Variants in MRPL48 observed in about 807,000 individuals in gnomAD.
The protein encoded by MRPL48 is mitochondrial ribosomal protein L48.
In MRPL48, 16 loss-of-function variants were observed where a neutral mutation model predicts 32.9. The observed-to-expected ratio is 0.49, with a 90% CI of 0.33 to 0.74. The LOEUF is 0.74. Among genes scored for constraint, MRPL48 ranks in the 30% least tolerant of loss-of-function variants. The probability of loss-of-function intolerance (pLI) is 0.02; values close to 1 mark genes in which losing one functional copy is unlikely to be tolerated. For synonymous variants in MRPL48, 94 were observed against 89.2 expected (o/e 1.05, Z -0.31); for missense variants, 206 against 245.3 (o/e 0.84, Z 1.07).
intron 5 of MRPL48, among the ~76,000 whole-genome samples, chr11:73,855,172 C>G (rs138601200): frequency 7.2e-5 from 11 of 152,160 alleles, no homozygotes; most frequent in Admixed American, 7.2e-4. Context: ...GTTAAACCTA[C>G]TTTTTTTCCT....
chr11:73,793,663 C>T (rs1947192710), intron 1 of MRPL48, among the ~76,000 whole-genome samples: 1 of 152,096 alleles, frequency 6.6e-6, no homozygotes, highest in East Asian at 1.9e-4. Flanking sequence ...GGGAGAGAAG[C>T]ACTGGGGTGT....
chr11:73,856,709 C>A (rs1388941567), intron 5 of MRPL48, among the ~76,000 whole-genome samples: 2 of 152,068 alleles, frequency 1.3e-5, no homozygotes, highest in Non-Finnish European at 2.9e-5. Flanking sequence ...AGTGAAGCTC[C>A]CCAGCACCCT....
intron 3 of MRPL48, among the ~76,000 whole-genome samples, chr11:73,815,697 T>A (rs929505982): frequency 7.2e-5 from 11 of 151,842 alleles, no homozygotes; most frequent in Non-Finnish European, 1.5e-4. Flanking sequence ...TACTTAAAAA[T>A]TTTTAAAAAT....
intron 1 of MRPL48, among the ~76,000 whole-genome samples, chr11:73,794,079 CG>C (rs1947200524): frequency 6.6e-6 from 1 of 151,766 alleles, no homozygotes; most frequent in South Asian, 2.1e-4. Flanking sequence ...CCCAGCTACT[CG>C]GGAGGCTGAG....
intron 5 of MRPL48, among the ~76,000 whole-genome samples, chr11:73,859,129 T>C (rs1278578928): frequency 6.6e-6 from 1 of 152,266 alleles, no homozygotes; most frequent in Non-Finnish European, 1.5e-5. Context: ...AATTATCTGG[T>C]CTAAAATGTC....
chr11:73,822,694 A>T (rs549033002), intron 3 of MRPL48, among the ~76,000 whole-genome samples: 1 of 152,246 alleles, frequency 6.6e-6, no homozygotes, highest in African/African-American at 2.4e-5. Flanking sequence ...ACTTGATGTC[A>T]CTTAGATCAG....
chr11:73,819,662 A>G (rs149757117), intron 3 of MRPL48, among the ~76,000 whole-genome samples: 51 of 152,300 alleles, frequency 3.3e-4, no homozygotes, highest in African/African-American at 1.1e-3. Context: ...TTTTAAAACA[A>G]TTGTCCAGCC....
intron 3 of MRPL48, among the ~76,000 whole-genome samples, chr11:73,824,317 C>T (rs144124491): frequency 1.2e-4 from 18 of 151,674 alleles, no homozygotes; most frequent in East Asian, 9.9e-4. Context: ...TGGCCGGGCG[C>T]GGTGGCTCAC....
chr11:73,864,435 TAGTTAG>T lies in MRPL48; in HGVS notation c.*70_*75del. ...GTGCCAAAGAGAAGAGCTTACTGGG[TAGTTAG>T]AGTTCATCAGGAGACCCAACCCTTA... On this transcript the variant is annotated 3_prime_UTR_variant, in exon 8 of 8. Coordinates refer to ENST00000310614, the MANE Select transcript of MRPL48 (RefSeq NM_016055.6). 1.3e-6 allele frequency: 2 copies of T among 1,523,206 alleles called. No individual in the cohort carries two copies. Among genetic ancestry groups the T allele is most frequent in the Non-Finnish European group, 1.8e-6 (2 of 1,106,212 alleles). 94.4% of individuals were successfully genotyped at this position (1,523,206 alleles called of 1,614,324 possible). A position where few individuals can be genotyped will look rare whatever the true frequency, so the allele number is the denominator to read the frequency against.
intron 3 of MRPL48, among the ~76,000 whole-genome samples, chr11:73,820,311 G>A (rs1048631714): frequency 2.0e-5 from 3 of 152,016 alleles, no homozygotes; most frequent in East Asian, 1.9e-4. Context: ...TGCAAACTCC[G>A]CCTCCCGGGT....
chr11:73,825,284 A>ATATATGTGTG (rs146232365), intron 3 of MRPL48, among the ~76,000 whole-genome samples: 30 of 139,912 alleles, frequency 2.1e-4, no homozygotes, highest in Admixed American at 4.4e-4. Context: ...TTTTTTATAT[A>ATATATGTGTG]TGTGTGTGTG....
chr11:73,844,926 C>T lies in MRPL48; in HGVS notation c.321C>T (p.Ala107=). ...ATATGACCCTGGCAGAGAGTTATGCCCAGTATGTTCACAACCTCTGCAACT... is the reference window on the plus strand; with the variant it reads ...ATATGACCCTGGCAGAGAGTTATGCTCAGTATGTTCACAACCTCTGCAACT... ...AYDMTLAESY[A]QYVHNLCNSL... Residue 107 remains alanine, a synonymous_variant, in exon 5 of 8, where the codon GCC becomes GCT. Transcript: ENST00000310614. The T allele has an allele frequency of 6.2e-7, 1 of 1,613,086 alleles. No individual in the cohort carries two copies. Among genetic ancestry groups the T allele is most frequent in the East Asian group, 2.2e-5 (1 of 44,852 alleles).
intron 1 of MRPL48, among the ~76,000 whole-genome samples, chr11:73,801,237 C>T (rs1020765827): frequency 6.6e-6 from 1 of 152,138 alleles, no homozygotes; most frequent in Non-Finnish European, 1.5e-5. Flanking sequence ...CATCCAGTCC[C>T]TCTTCTATAT....
chr11:73,861,713 T>G (rs918591761), intron 6 of MRPL48, among the ~76,000 whole-genome samples: 2 of 152,166 alleles, frequency 1.3e-5, no homozygotes, highest in African/African-American at 2.4e-5. Flanking sequence ...GCCCCTATAT[T>G]TTACTGAATG....
chr11:73,790,939 G>T (rs1412775209), intron 1 of MRPL48, among the ~76,000 whole-genome samples: 1 of 133,716 alleles, frequency 7.5e-6, no homozygotes, highest in South Asian at 2.4e-4. Context: ...AGGCTGTAGT[G>T]CAGTAGCACA....
rs559312988 is a variant in MRPL48, at chr11:73,810,435, C to T, written c.112+2085C>T. On this transcript the variant is annotated intron_variant, in intron 3 of 7. Transcript: ENST00000310614. ...ACTCGGGAGGCTGAGGCAGGAGAAC[C>T]GCTTGAACTTGGGAGGCGGAGGTTG... 3.3e-5 allele frequency among the ~76,000 whole-genome samples: 5 copies of T among 152,164 alleles called. No homozygotes were observed. In the South Asian group the frequency reaches 6.2e-4, roughly 19 times the overall value.
intron 1 of MRPL48, among the ~76,000 whole-genome samples, chr11:73,799,561 C>A (rs564513666): frequency 2.0e-5 from 3 of 152,186 alleles, no homozygotes; most frequent in Non-Finnish European, 2.9e-5. Context: ...CTTTGATTTC[C>A]TCACTATAAA....
intron 4 of MRPL48, among the ~76,000 whole-genome samples, chr11:73,834,031 T>A (rs1010693893): frequency 6.6e-6 from 1 of 152,068 alleles, no homozygotes; most frequent in Non-Finnish European, 1.5e-5. Flanking sequence ...TAATTTTTTG[T>A]AAAGATGGGG....
At chr11:73,844,005 G>A (rs1948239654) in intron 4 of MRPL48, among the ~76,000 whole-genome samples, 1 of 152,018 alleles carries the variant, frequency 6.6e-6, no homozygotes, top group Non-Finnish European at 1.5e-5. Flanking sequence ...CTTGAACCCG[G>A]GAGGTAGAGA....
Sources: gnomAD v4.1 joint callset for allele counts (sites outside exome capture counted in the v4.1 genomes callset) on GRCh38, gnomAD v4.1.1 for gene constraint, MANE v1.5 for transcripts, NCBI Gene and HGNC (gene_info 2026-07-23, HGNC 2026-07-21) for gene names.